Variants in SLC39A10 observed in about 807,000 individuals in gnomAD.
SLC39A10 encodes solute carrier family 39 member 10.
A neutral mutation model predicts 65.1 loss-of-function variants in SLC39A10; 13 were observed. The observed-to-expected ratio is 0.20, with a 90% CI of 0.13 to 0.32. The LOEUF is 0.32. SLC39A10 is among the 10% of genes least tolerant of loss of function. SLC39A10 has a pLI of 1.00. For synonymous variants in SLC39A10, 321 were observed against 342.2 expected (o/e 0.94, Z 0.68); for missense variants, 831 against 1,018.4 (o/e 0.82, Z 2.50).
chr2:195,618,729 G>A (rs1322660672), intron 2 of SLC39A10, among the ~76,000 whole-genome samples: 4 of 152,174 alleles, frequency 2.6e-5, no homozygotes, highest in Non-Finnish European at 5.9e-5. Context: ...GGTCCTGAAT[G>A]CATATTAAGC....
At chr2:195,623,839 A>G (rs921985813) in intron 2 of SLC39A10, among the ~76,000 whole-genome samples, 1 of 151,888 alleles carries the variant, frequency 6.6e-6, no homozygotes, top group Non-Finnish European at 1.5e-5. Flanking sequence ...TATTCCATCC[A>G]AGTAAGGAGG....
At chr2:195,706,449 T>C (rs1206178775) in intron 3 of SLC39A10, among the ~76,000 whole-genome samples, 167 bp from the exon 4 acceptor site, 1 of 151,748 alleles carries the variant, frequency 6.6e-6, no homozygotes, top group East Asian at 1.9e-4. Flanking sequence ...TTAAGTTAGT[T>C]ATATGTCATA....
Position 195,696,974 on chromosome 2 carries a change from A to G in SLC39A10, c.1217-9642A>G, listed in dbSNP as rs549214405. Among the ~76,000 whole-genome samples, 5 of 152,156 alleles carry G rather than the reference A, an allele frequency of 3.3e-5. No homozygotes were observed. In the South Asian group the frequency reaches 6.2e-4, roughly 19 times the overall value. On this transcript the variant is annotated intron_variant, in intron 3 of 9. Transcript: ENST00000359634. ...CTGTGTGGAATCTTTAGGATTTTCTATTCGTTATTCATATTAACTATTCAT... is the reference window on the plus strand; with the variant it reads ...CTGTGTGGAATCTTTAGGATTTTCTGTTCGTTATTCATATTAACTATTCAT...
At chr2:195,654,689 C>A (rs1458091312), upstream of SLC39A10, among the ~76,000 whole-genome samples, 2 of 152,148 alleles carry the variant, frequency 1.3e-5, no homozygotes, top group South Asian at 2.1e-4. Context: ...AAATGTCTTA[C>A]ACTTTCAGAA....
intron 1 of SLC39A10, among the ~76,000 whole-genome samples, chr2:195,670,051 C>T (rs1007116359): frequency 3.3e-5 from 5 of 151,680 alleles, no homozygotes; most frequent in African/African-American, 4.8e-5. Flanking sequence ...CCCAGCTACT[C>T]GGGAGGCTGA....
chr2:195,684,371 A>C (rs1690445066), intron 3 of SLC39A10, among the ~76,000 whole-genome samples: 2 of 152,122 alleles, frequency 1.3e-5, no homozygotes, highest in Admixed American at 1.3e-4. Context: ...CAAACTTGAC[A>C]TGTGAACTTT....
At chr2:195,714,401 G>A (rs1158090913) in intron 6 of SLC39A10, among the ~76,000 whole-genome samples, 1 of 152,032 alleles carries the variant, frequency 6.6e-6, no homozygotes, top group East Asian at 1.9e-4. Flanking sequence ...TGTAAGCTAG[G>A]AGCCATATGA....
chr2:195,628,358 A>G (rs1332314098), intron 2 of SLC39A10, among the ~76,000 whole-genome samples: 7 of 152,250 alleles, frequency 4.6e-5, no homozygotes, highest in Non-Finnish European at 1.0e-4. Flanking sequence ...AACTTTTAAC[A>G]TCTGGCTAAC....
At chr2:195,719,234 C>T (rs369427672) in intron 8 of SLC39A10, among the ~76,000 whole-genome samples, 2 of 151,534 alleles carry the variant, frequency 1.3e-5, no homozygotes, top group African/African-American at 2.4e-5. Context: ...GTTACTTCCT[C>T]CTCGCTTTGA....
chr2:195,718,722 A>G (rs980608276), intron 8 of SLC39A10, among the ~76,000 whole-genome samples: 3 of 152,182 alleles, frequency 2.0e-5, no homozygotes, highest in African/African-American at 7.2e-5. Flanking sequence ...TTGTAATTAC[A>G]TAATTGAAAG....
intron 1 of SLC39A10, among the ~76,000 whole-genome samples, chr2:195,667,869 ATAAC>A (rs1261272750): frequency 6.6e-6 from 1 of 152,254 alleles, no homozygotes; most frequent in Non-Finnish European, 1.5e-5. Context: ...TTGCACTTAA[ATAAC>A]ATTTAAATAT....
intron 9 of SLC39A10, among the ~76,000 whole-genome samples, chr2:195,732,713 G>T (rs77304174): frequency 0.03 from 4,641 of 152,332 alleles, 90 homozygotes; most frequent in Middle Eastern, 0.054. Context: ...TATGTAGGAA[G>T]CTGTCAGTTT....
chr2:195,623,156 T>C (rs73072032), intron 2 of SLC39A10, among the ~76,000 whole-genome samples: 29,567 of 151,844 alleles, frequency 0.19, 3,561 homozygotes, highest in East Asian at 0.59. Flanking sequence ...AAGTTAAGTG[T>C]GAAAGTATGT....
chr2:195,620,332 G>T (rs1005351107), intron 2 of SLC39A10, among the ~76,000 whole-genome samples: 1 of 152,244 alleles, frequency 6.6e-6, no homozygotes, highest in Middle Eastern at 3.4e-3. Context: ...ATTTGAGTTA[G>T]CCTGGAGAAA....
At chr2:195,639,376 A>G (rs1688757208) in intron 2 of SLC39A10, among the ~76,000 whole-genome samples, 1 of 152,178 alleles carries the variant, frequency 6.6e-6, no homozygotes, top group Admixed American at 6.5e-5. Context: ...TGCCATTTTC[A>G]TCACATTGTA....
In SLC39A10 at chr2:195,659,335, A is replaced by G. The variant is rs147737878; in HGVS notation, c.-12+2054A>G. ...CTTACTGTTACCAATTTAAATTCTA[A>G]CTGCTTAAAAGCTAACACGGTCCTT... On this transcript the variant is annotated intron_variant, in intron 1 of 9. Transcript: ENST00000359634. Among the ~76,000 whole-genome samples the G allele has an allele frequency of 9.2e-5, 14 of 152,296 alleles. No individual in the cohort carries two copies. In the South Asian group the frequency reaches 1.7e-3, roughly 18 times the overall value.
At chr2:195,613,722 T>A (rs1688146391) in intron 2 of SLC39A10, among the ~76,000 whole-genome samples, 1 of 152,156 alleles carries the variant, frequency 6.6e-6, no homozygotes, top group Non-Finnish European at 1.5e-5. Flanking sequence ...CAGAAGTGAT[T>A]TTATATAGCA....
intron 3 of SLC39A10, among the ~76,000 whole-genome samples, chr2:195,700,026 A>C (rs1691115838): frequency 6.6e-6 from 1 of 152,088 alleles, no homozygotes; most frequent in East Asian, 1.9e-4. Context: ...GTTTGATATT[A>C]GTTTAACCAC....
At chr2:195,685,792 T>C (rs991124872) in intron 3 of SLC39A10, among the ~76,000 whole-genome samples, 6 of 152,212 alleles carry the variant, frequency 3.9e-5, no homozygotes, top group Admixed American at 1.3e-4. Context: ...TGTTGGACTT[T>C]AGTTGCTTTA....
Sources: allele counts gnomAD v4.1 joint callset (sites outside exome capture counted in the v4.1 genomes callset), GRCh38; gene constraint gnomAD v4.1.1; transcripts MANE v1.5; gene names NCBI Gene and HGNC (gene_info 2026-07-23, HGNC 2026-07-21).